Variants in SYNE2 observed in about 807,000 individuals in gnomAD.
SYNE2 encodes spectrin repeat containing nuclear envelope protein 2, also known as nesprin-2.
In SYNE2, 431 loss-of-function variants were observed where a neutral mutation model predicts 856.3. That is an observed-to-expected ratio of 0.50 (90% CI 0.47 to 0.55). SYNE2 has a LOEUF of 0.55. Among genes scored for constraint, SYNE2 ranks in the 20% least tolerant of loss-of-function variants. SYNE2 has a pLI of 0.00. For synonymous variants in SYNE2, 2,923 were observed against 2,872.3 expected (o/e 1.02, Z -0.56); for missense variants, 8,129 against 8,023.2 (o/e 1.01, Z -0.50).
At chr14:64,219,907 T>C (rs1399027754) in intron 110 of SYNE2, among the ~76,000 whole-genome samples, 1 of 152,194 alleles carries the variant, frequency 6.6e-6, no homozygotes, top group African/African-American at 2.4e-5. Context: ...CTGACCCCAC[T>C]GGAACTAGCC....
chr14:63,911,679 AAC>A (rs2095475803), intron 2 of SYNE2, among the ~76,000 whole-genome samples: 1 of 152,196 alleles, frequency 6.6e-6, no homozygotes. Flanking sequence ...CACTTCAAAG[AAC>A]AGTTTGAAAG....
intron 30 of SYNE2, among the ~76,000 whole-genome samples, chr14:64,003,681 C>T (rs945729573): frequency 2.0e-5 from 3 of 152,144 alleles, no homozygotes; most frequent in African/African-American, 4.8e-5. Context: ...GCAGACTCCA[C>T]GCTGTGATAT....
rs750045492 is a variant in SYNE2 at position 64,210,122 on chromosome 14, A to G, written c.18721A>G (p.Arg6241Gly). 1.9e-6 allele frequency: 3 copies of G among 1,613,298 alleles called. No individual in the cohort carries two copies. Among genetic ancestry groups the G allele is most frequent in the South Asian group, 2.2e-5 (2 of 91,046 alleles). ...RRVTAVLRRLRHFTNQREEFE... is the reference protein window; with the variant it reads ...RRVTAVLRRLGHFTNQREEFE... ...GGTCACAGCCGTCCTGCGGAGACTCAGGGTGAGCTCCTCTGCACCTGGCTC... is the reference window on the plus strand; with the variant it reads ...GGTCACAGCCGTCCTGCGGAGACTCGGGGTGAGCTCCTCTGCACCTGGCTC... Residue 6241 changes from arginine (R) to glycine (G), a missense_variant and splice_region_variant, in exon 103 of 116, where the codon AGG (arginine) becomes GGG (glycine). By Grantham distance (125) the Arg-to-Gly change is moderately radical. Around this residue, in one of 3 missense-constraint regions of SYNE2, gnomAD observed 5,410 missense variants for 5,284.8 expected, o/e 1.02. Coordinates refer to ENST00000555002, the MANE Select transcript of SYNE2 (RefSeq NM_182914.3).
chr14:63,815,304 C>A (rs111853523), intron 1 of SYNE2, among the ~76,000 whole-genome samples: 2,028 of 84,516 alleles, frequency 0.024, 124 homozygotes, highest in South Asian at 0.16. Context: ...CACAAGTTCC[C>A]ATATAGGCCG....
rs368083881 is a variant in SYNE2, at chr14:64,193,468, T to G, written c.18038+3231T>G. ...AGGAGGCTGAGGCAGGAGAATGACT[T>G]GAACCTGGGAGGTGGAGGTTGCAAT... On this transcript the variant is annotated intron_variant, in intron 99 of 115. Coordinates refer to ENST00000555002, the MANE Select transcript of SYNE2 (RefSeq NM_182914.3). 7.2e-5 allele frequency among the ~76,000 whole-genome samples: 11 copies of G among 152,150 alleles called. No homozygotes were observed. In the East Asian group the frequency reaches 7.7e-4, roughly 11 times the overall value.
In SYNE2 at chr14:64,165,355, A is replaced by C; in HGVS notation, c.16550A>C (p.Glu5517Ala). Residue 5517 changes from glutamate to alanine, a missense_variant, in exon 90 of 116, where the codon GAA (glutamate) becomes GCA (alanine). Physicochemically the swap from Glu to Ala is moderately radical, Grantham distance 107. Transcript: ENST00000555002. ...TTAAAAGGTCTTATTATGCATGAAG[A>C]AGAGAATTTGGATAGACTTCACCAA... is the stretch of plus-strand genomic sequence containing the variant. ...ESLKGLIMHE[E>A]ENLDRLHQQE... 1 of 1,613,928 alleles carries C rather than the reference A, an allele frequency of 6.2e-7. No individual in the cohort carries two copies. The highest frequency in any genetic ancestry group is 8.5e-7 in the Non-Finnish European group (1 of 1,179,906).
At chr14:63,900,658 T>A (rs986922892) in intron 1 of SYNE2, among the ~76,000 whole-genome samples, 22 of 152,148 alleles carry the variant, frequency 1.4e-4, no homozygotes, top group Non-Finnish European at 5.9e-5. Context: ...CTGGCATTTG[T>A]GTGGTGTCAT....
chr14:64,220,369 G>C (rs919193473), intron 110 of SYNE2, 68 bp from the exon 111 acceptor site: 1 of 1,559,430 alleles, frequency 6.4e-7, no homozygotes, highest in African/African-American at 1.4e-5. Context: ...GTTCCCTACT[G>C]AGGTTCAAAA....
chr14:63,786,644 C>A (rs1294111706), intron 1 of SYNE2, among the ~76,000 whole-genome samples: 1 of 152,082 alleles, frequency 6.6e-6, no homozygotes, highest in African/African-American at 2.4e-5. Context: ...ACATTAAGTA[C>A]GTAATTATGA....
chr14:63,987,544 G>A (rs148481061), intron 19 of SYNE2, among the ~76,000 whole-genome samples: 146 of 152,238 alleles, frequency 9.6e-4, no homozygotes, highest in African/African-American at 3.4e-3. Context: ...GGAATAAAAA[G>A]GAACATTTAT....
intron 76 of SYNE2, among the ~76,000 whole-genome samples, chr14:64,130,883 CAAAA>C (rs34083068): frequency 5.0e-5 from 5 of 99,548 alleles, no homozygotes; most frequent in African/African-American, 1.7e-4. Flanking sequence ...GACTCTATCT[CAAAA>C]AAAAAAAAAA....
intron 2 of SYNE2, among the ~76,000 whole-genome samples, chr14:63,912,946 T>C (rs2095490617): frequency 6.6e-6 from 1 of 152,158 alleles, no homozygotes; most frequent in South Asian, 2.1e-4. Flanking sequence ...CCTCCCTCTT[T>C]TTTTTGAGAG....
At chr14:63,793,032 T>A (rs1161105958) in intron 1 of SYNE2, among the ~76,000 whole-genome samples, 1 of 152,162 alleles carries the variant, frequency 6.6e-6, no homozygotes, top group Non-Finnish European at 1.5e-5. Context: ...ATACTTTTTT[T>A]AAAGCTATAT....
rs754627479 is a variant in SYNE2, at chr14:64,170,376, A to G, written c.17149A>G (p.Thr5717Ala). ...TGTGGAGAACTTGTTTCGCTTCCTC[A>G]CTGACACCAGCCACCTGCTATCTGC... ...TSVENLFRFL[T>A]DTSHLLSAVK... Residue 5717 changes from threonine to alanine, a missense_variant, in exon 94 of 116, where the codon ACT becomes GCT. Physicochemically the swap from Thr to Ala is moderately conservative, Grantham distance 58. This residue lies in a region of SYNE2 where 5,410 missense variants were observed against 5,284.8 expected (regional missense o/e 1.02). Coordinates refer to ENST00000555002, the MANE Select transcript of SYNE2 (RefSeq NM_182914.3). The G allele has an allele frequency of 3.7e-6, 6 of 1,614,138 alleles. No individual in the cohort carries two copies. The highest frequency in any genetic ancestry group is 1.6e-4 in the Middle Eastern group (1 of 6,062).
At chr14:64,036,951 C>T (rs185447271) in intron 45 of SYNE2, among the ~76,000 whole-genome samples, 1 of 152,212 alleles carries the variant, frequency 6.6e-6, no homozygotes, top group Non-Finnish European at 1.5e-5. Flanking sequence ...AATCTAATTA[C>T]AGGAACCAAA....
At chr14:64,082,676 A>T (rs1004060538) in intron 57 of SYNE2, among the ~76,000 whole-genome samples, 21 of 152,216 alleles carry the variant, frequency 1.4e-4, no homozygotes, top group African/African-American at 4.1e-4. Flanking sequence ...CCCTGTAAGG[A>T]GGACTCACCT....
At chr14:63,973,547 G>T (rs1162886504) in intron 11 of SYNE2, among the ~76,000 whole-genome samples, 2 of 146,064 alleles carry the variant, frequency 1.4e-5, no homozygotes, top group Non-Finnish European at 3.0e-5. Context: ...CAGGAGAATT[G>T]CTTGAACCTG....
At chr14:63,890,122 G>T (rs2140913851) in intron 1 of SYNE2, among the ~76,000 whole-genome samples, 1 of 147,040 alleles carries the variant, frequency 6.8e-6, no homozygotes, top group Non-Finnish European at 1.5e-5. Flanking sequence ...GTCCAGTGGT[G>T]TGATCTTGGC....
chr14:64,101,795 G>T lies in SYNE2; in HGVS notation c.12382-137G>T. On this transcript the variant is annotated intron_variant, in intron 63 of 115. Coordinates refer to ENST00000555002, the MANE Select transcript of SYNE2 (RefSeq NM_182914.3). ...AAAAAAAATACAGATAAAAAAATGG[G>T]GGAGGACTGCAATAAAGGGCTGTGG... is the stretch of plus-strand genomic sequence containing the variant. The T allele has an allele frequency of 4.4e-6, 3 of 687,412 alleles. No homozygotes were observed. The South Asian group carries it at 4.7e-5, about 11-fold the overall frequency. The allele number at this position is 687,412 out of a possible 1,614,324, so 42.6% of individuals were successfully genotyped here. A position where few individuals can be genotyped will look rare whatever the true frequency, so the allele number is the denominator to read the frequency against.
Sources: gnomAD v4.1 joint callset for allele counts (sites outside exome capture counted in the v4.1 genomes callset) on GRCh38, gnomAD v4.1.1 for gene constraint, gnomAD v4.1.1 regional missense constraint, MANE v1.5 for transcripts, NCBI Gene and HGNC (gene_info 2026-07-23, HGNC 2026-07-21) for gene names.